The following TRIP12 variants were observed in gnomAD, a reference collection of about 807,000 sequenced individuals.
TRIP12 encodes the protein thyroid hormone receptor interactor 12.
Under a neutral mutation model 244.2 loss-of-function variants are expected in TRIP12, and 25 were observed. That is an observed-to-expected ratio of 0.10 (90% CI 0.07 to 0.14). TRIP12 has a LOEUF of 0.14. TRIP12 is among the 10% of genes least tolerant of loss of function. The pLI is 1.00. For synonymous variants in TRIP12, 905 were observed against 873.1 expected (o/e 1.04, Z -0.64); for missense variants, 1,677 against 2,486.4 (o/e 0.67, Z 6.92).
chr2:229,852,377 T>A (rs2058875666), intron 4 of TRIP12, among the ~76,000 whole-genome samples: 1 of 152,178 alleles, frequency 6.6e-6, no homozygotes, highest in Non-Finnish European at 1.5e-5. Flanking sequence ...TTTTTTTAAA[T>A]TAGCTTTTAT....
chr2:229,837,215 T>C (rs2154305119), intron 5 of TRIP12, among the ~76,000 whole-genome samples: 2 of 152,366 alleles, frequency 1.3e-5, no homozygotes, highest in South Asian at 4.1e-4. Flanking sequence ...TGTGAGCTGT[T>C]GTCATCCTCA....
chr2:229,822,349 C>G (rs1177151022), intron 8 of TRIP12, among the ~76,000 whole-genome samples: 4 of 152,166 alleles, frequency 2.6e-5, no homozygotes, highest in African/African-American at 9.7e-5. Flanking sequence ...TCTGAACTCC[C>G]AAGATACTTG....
intron 1 of TRIP12, among the ~76,000 whole-genome samples, chr2:229,914,648 C>G (rs1330067063): frequency 6.6e-6 from 1 of 152,180 alleles, no homozygotes; most frequent in Non-Finnish European, 1.5e-5. Flanking sequence ...AAGAACACAG[C>G]ACAAGGTACA....
chr2:229,829,103 A>C, intron 8 of TRIP12, 90 bp downstream of exon 8: 1 of 1,193,304 alleles, frequency 8.4e-7, no homozygotes, highest in Non-Finnish European at 1.2e-6. Context: ...TTGATGAAAA[A>C]CTTCTTAATA....
intron 8 of TRIP12, among the ~76,000 whole-genome samples, chr2:229,828,798 T>G (rs575890818): frequency 6.6e-6 from 1 of 151,918 alleles, no homozygotes; most frequent in African/African-American, 2.4e-5. Context: ...AAAGTACACA[T>G]GAAAACCAAC....
intron 1 of TRIP12, among the ~76,000 whole-genome samples, chr2:229,904,801 G>A (rs2072210303): frequency 6.6e-6 from 1 of 152,094 alleles, no homozygotes; most frequent in Non-Finnish European, 1.5e-5. Context: ...AAGACATTAG[G>A]TGAAAATTAA....
At chr2:229,781,384 T>C (rs2154249095) in intron 34 of TRIP12, among the ~76,000 whole-genome samples, 1 of 152,370 alleles carries the variant, frequency 6.6e-6, no homozygotes, top group Non-Finnish European at 1.5e-5. Flanking sequence ...TATGTGACAA[T>C]GGTCTGAGTG....
intron 5 of TRIP12, among the ~76,000 whole-genome samples, 154 bp downstream of exon 5, chr2:229,840,668 C>G (rs1417277658): frequency 6.6e-6 from 1 of 152,094 alleles, no homozygotes; most frequent in Non-Finnish European, 1.5e-5. Context: ...CGCCACTGCA[C>G]TCCAGCCTGG....
chr2:229,829,256 G>C lies in TRIP12; in HGVS notation c.1387C>G (p.Leu463Val). The change falls in exon 8 of 42, where the codon CTA becomes GTA. Residue 463 changes from leucine (L) to valine (V), a missense_variant. Transcript: ENST00000675903. ...LLEARGLPPHLFGPLGPRMSQ... is the reference protein window; with the variant it reads ...LLEARGLPPHVFGPLGPRMSQ... The stretch of plus-strand genomic sequence containing the variant: ...ATCCGAGGACCAAGAGGACCAAATA[G>C]GTGAGGGGGAAGACCCCTTGCCTCT... 2 of 1,613,792 alleles carry C rather than the reference G, an allele frequency of 1.2e-6. No homozygotes were observed. The highest frequency in any genetic ancestry group is 1.7e-6 in the Non-Finnish European group (2 of 1,179,906).
At chr2:229,845,198 C>G (rs961316469) in intron 4 of TRIP12, among the ~76,000 whole-genome samples, 2 of 152,144 alleles carry the variant, frequency 1.3e-5, no homozygotes, top group Non-Finnish European at 2.9e-5. Flanking sequence ...TCCAGCCAAG[C>G]CTGAAGCTAG....
intron 1 of TRIP12, among the ~76,000 whole-genome samples, chr2:229,887,842 T>C (rs1002094661): frequency 3.3e-5 from 5 of 152,246 alleles, no homozygotes; most frequent in Non-Finnish European, 5.9e-5. Context: ...TTATATTTAC[T>C]ATTAATCAGG....
intron 1 of TRIP12, among the ~76,000 whole-genome samples, chr2:229,896,370 G>A (rs1459774744): frequency 6.6e-6 from 1 of 152,148 alleles, no homozygotes; most frequent in Non-Finnish European, 1.5e-5. Flanking sequence ...AGGCGTGGTG[G>A]CTCACACCTG....
chr2:229,832,889 T>C (rs1409206417), intron 6 of TRIP12, among the ~76,000 whole-genome samples: 1 of 152,220 alleles, frequency 6.6e-6, no homozygotes, highest in African/African-American at 2.4e-5. Flanking sequence ...CTTAAACTTA[T>C]CTTAAGACTA....
intron 33 of TRIP12, 48 bp downstream of exon 33, chr2:229,787,457 T>C: frequency 6.4e-7 from 1 of 1,568,114 alleles, no homozygotes; most frequent in Non-Finnish European, 8.6e-7. Context: ...GTTTTTCCCA[T>C]TATTTTGAAA....
chr2:229,839,524 A>T (rs1274921218), intron 5 of TRIP12, among the ~76,000 whole-genome samples: 1 of 151,856 alleles, frequency 6.6e-6, no homozygotes. Context: ...AAAAATACAA[A>T]AAAAATTAGC....
chr2:229,838,315 C>T (rs1575741149), intron 5 of TRIP12, among the ~76,000 whole-genome samples: 2 of 152,198 alleles, frequency 1.3e-5, no homozygotes, highest in Admixed American at 1.3e-4. Flanking sequence ...ACACACTGGG[C>T]TGACCACTTT....
intron 1 of TRIP12, among the ~76,000 whole-genome samples, chr2:229,886,726 C>A (rs2066106000): frequency 6.6e-6 from 1 of 152,300 alleles, no homozygotes; most frequent in South Asian, 2.1e-4. Context: ...CTTGGCCTCC[C>A]AAAGTGCTGG....
At chr2:229,823,126 G>A (rs562289553) in intron 8 of TRIP12, among the ~76,000 whole-genome samples, 2 of 152,226 alleles carry the variant, frequency 1.3e-5, no homozygotes, top group African/African-American at 2.4e-5. Context: ...CAAAAGGAAA[G>A]GAAGGAGAAA....
chr2:229,780,050 T>G (rs1284589919), intron 34 of TRIP12, among the ~76,000 whole-genome samples: 3 of 152,228 alleles, frequency 2.0e-5, no homozygotes, highest in African/African-American at 4.8e-5. Flanking sequence ...TTACAGTTAC[T>G]CTTAAAAATT....
Sources: gnomAD v4.1 joint callset for allele counts (sites outside exome capture counted in the v4.1 genomes callset) on GRCh38, gnomAD v4.1.1 for gene constraint, MANE v1.5 for transcripts, NCBI Gene and HGNC (gene_info 2026-07-23, HGNC 2026-07-21) for gene names.